EPB41: variants seen among roughly 807,000 people sequenced by gnomAD.
EPB41 encodes protein 4.1.
In EPB41, 65 loss-of-function variants were observed where a neutral mutation model predicts 108.0. The observed-to-expected ratio is 0.60, with a 90% CI of 0.49 to 0.74. The LOEUF is 0.74. Ranked by LOEUF, EPB41 falls within the 30% of genes least tolerant of loss-of-function variation. The probability of loss-of-function intolerance (pLI) is 0.00; values close to 1 mark genes in which losing one functional copy is unlikely to be tolerated. For missense variants in EPB41, 875 were observed against 1,037.0 expected (o/e 0.84, Z 2.15); for synonymous variants, 336 against 358.9 (o/e 0.94, Z 0.72).
intron 11 of EPB41, among the ~76,000 whole-genome samples, chr1:29,047,736 CTTTT>C (rs1643717608): frequency 6.6e-6 from 1 of 151,806 alleles, no homozygotes; most frequent in South Asian, 2.1e-4. Context: ...TTTTATTAAT[CTTTT>C]CTTTTTTATA....
At chr1:28,931,340 C>T (rs1570818658) in intron 1 of EPB41, among the ~76,000 whole-genome samples, 1 of 137,800 alleles carries the variant, frequency 7.3e-6, no homozygotes, top group East Asian at 2.2e-4. Flanking sequence ...TAAGGTGGTT[C>T]TAGCCTTGGC....
At chr1:29,083,767 G>A (rs1573717894) in intron 16 of EPB41, among the ~76,000 whole-genome samples, 1 of 152,130 alleles carries the variant, frequency 6.6e-6, no homozygotes, top group South Asian at 2.1e-4. Context: ...CATATGTTTT[G>A]CTCTTAAGAG....
At chr1:28,920,338 T>G (rs2148235674) in intron 1 of EPB41, among the ~76,000 whole-genome samples, 1 of 152,364 alleles carries the variant, frequency 6.6e-6, no homozygotes, top group Admixed American at 6.5e-5. Flanking sequence ...GGATATAATC[T>G]GTACTCTTGT....
At chr1:28,992,964 C>G (rs1413195339) in intron 2 of EPB41, among the ~76,000 whole-genome samples, 2 of 152,096 alleles carry the variant, frequency 1.3e-5, no homozygotes, top group East Asian at 3.9e-4. Context: ...GTTTGTAAGG[C>G]TACATTGCTA....
chr1:29,026,682 C>T (rs1262787053), intron 7 of EPB41, among the ~76,000 whole-genome samples: 1 of 151,962 alleles, frequency 6.6e-6, no homozygotes, highest in Non-Finnish European at 1.5e-5. Context: ...CCAGCACTTT[C>T]AGAGGCTGAG....
intron 3 of EPB41, among the ~76,000 whole-genome samples, chr1:28,996,605 G>A (rs2096182085): frequency 6.6e-6 from 1 of 152,154 alleles, no homozygotes; most frequent in Admixed American, 6.5e-5. Context: ...GTGTAGGATG[G>A]AGATGGGGAA....
Position 28,942,175 on chromosome 1 carries a change from T to C in EPB41, c.-8+27407T>C, listed in dbSNP as rs116304016. On this transcript the variant is annotated intron_variant, in intron 1 of 20. Transcript: ENST00000343067. The stretch of plus-strand genomic sequence containing the variant: ...TTGACACCAGATGTGTGGCGTGGTT[T>C]TTCCCACACACTAACCAAGCAATTC... Among the ~76,000 whole-genome samples, 1,096 of 152,314 alleles carry C rather than the reference T, an allele frequency of 7.2e-3. 16 individuals carry two copies. The highest frequency in any genetic ancestry group is 0.023 in the African/African-American group (946 of 41,576).
chr1:28,971,248 ATCTTGGCTCACTGCAACC>A (rs2095490491), intron 1 of EPB41, among the ~76,000 whole-genome samples: 1 of 125,098 alleles, frequency 8.0e-6, no homozygotes, highest in Non-Finnish European at 1.6e-5. Context: ...CAGTGGCGCG[ATCTTGGCTCACTGCAACC>A]TCTGCCTCCC....
chr1:29,058,441 G>C (rs1645928862), intron 12 of EPB41, 148 bp from the exon 13 acceptor site: 1 of 747,984 alleles, frequency 1.3e-6, no homozygotes. Flanking sequence ...ATCCTTCCCT[G>C]TAACACCCTC....
At chr1:29,059,015 C>G (rs1255385585) in intron 14 of EPB41, among the ~76,000 whole-genome samples, 163 bp downstream of exon 14, 2 of 152,198 alleles carry the variant, frequency 1.3e-5, no homozygotes, top group African/African-American at 2.4e-5. Flanking sequence ...TGGCTCACAC[C>G]TATAATCCCA....
At chr1:28,901,105 A>G (rs1557620903) in intron 1 of EPB41, among the ~76,000 whole-genome samples, 1 of 149,296 alleles carries the variant, frequency 6.7e-6, no homozygotes, top group Non-Finnish European at 1.5e-5. Context: ...AATTTTTTGT[A>G]TTTTTAGTAG....
chr1:28,900,831 A>C (rs960488424), intron 1 of EPB41, among the ~76,000 whole-genome samples: 1 of 152,144 alleles, frequency 6.6e-6, no homozygotes, highest in Non-Finnish European at 1.5e-5. Flanking sequence ...CCTTTGGCCC[A>C]GAACACTCTA....
chr1:28,924,823 G>T (rs2093346432), intron 1 of EPB41, among the ~76,000 whole-genome samples: 4 of 152,138 alleles, frequency 2.6e-5, no homozygotes, highest in African/African-American at 9.7e-5. Context: ...CTGGGACAGG[G>T]TCTTGCACTG....
chr1:28,951,395 CAAAT>C (rs2148968136), intron 1 of EPB41, among the ~76,000 whole-genome samples: 1 of 138,412 alleles, frequency 7.2e-6, no homozygotes, highest in Non-Finnish European at 1.5e-5. Flanking sequence ...CACACACACA[CAAAT>C]GTGATGTGTG....
At chr1:28,896,359 C>T (rs889049808) in intron 1 of EPB41, among the ~76,000 whole-genome samples, 1 of 152,128 alleles carries the variant, frequency 6.6e-6, no homozygotes, top group Admixed American at 6.5e-5. Flanking sequence ...CTGACAGACT[C>T]CTGAAGGCAT....
upstream of EPB41, among the ~76,000 whole-genome samples, chr1:28,912,700 T>C (rs2092318587): frequency 2.0e-5 from 3 of 151,930 alleles, no homozygotes; most frequent in Non-Finnish European, 4.4e-5. Flanking sequence ...CTCTGCAACC[T>C]CCACCTCCTG....
At position 29,117,601 on chromosome 1, in the gene EPB41, C is replaced by T. The variant is rs1170723558; in HGVS notation, c.*789C>T. The T allele has an allele frequency of 6.6e-6, 1 of 152,616 alleles. No individual in the cohort carries two copies. Among genetic ancestry groups the T allele is most frequent in the Non-Finnish European group, 1.5e-5 (1 of 68,046 alleles). The allele number at this position is 152,616 out of a possible 1,614,324, so 9.5% of individuals were successfully genotyped here. A position where few individuals can be genotyped will look rare whatever the true frequency, so the allele number is the denominator to read the frequency against. ...GAAGCAGTGGCTCAGCTAAGTGCTCCCCCTAGCTCCCATCTCAGGAGACCA... is the reference window on the plus strand; with the variant it reads ...GAAGCAGTGGCTCAGCTAAGTGCTCTCCCTAGCTCCCATCTCAGGAGACCA... On this transcript the variant is annotated 3_prime_UTR_variant, in exon 21 of 21. Coordinates refer to ENST00000343067, the MANE Select transcript of EPB41 (RefSeq NM_001376013.1).
intron 3 of EPB41, among the ~76,000 whole-genome samples, chr1:28,994,630 CTATT>C (rs1233234163): frequency 1.6e-5 from 2 of 122,184 alleles, no homozygotes; most frequent in Non-Finnish European, 3.6e-5. Flanking sequence ...GTGGAACAAA[CTATT>C]TTATTTATTT....
chr1:28,969,367 G>A (rs1189443583), intron 1 of EPB41, among the ~76,000 whole-genome samples: 2 of 152,002 alleles, frequency 1.3e-5, no homozygotes, highest in Non-Finnish European at 2.9e-5. Context: ...TTACAGGCAT[G>A]AGCCACCACG....
Sources: allele counts gnomAD v4.1 joint callset (sites outside exome capture counted in the v4.1 genomes callset), GRCh38; gene constraint gnomAD v4.1.1; transcripts MANE v1.5; gene names NCBI Gene and HGNC (gene_info 2026-07-23, HGNC 2026-07-21).